PTCHD4: variants seen among roughly 807,000 people sequenced by gnomAD.
PTCHD4 encodes patched domain-containing protein 4.
A neutral mutation model predicts 58.1 loss-of-function variants in PTCHD4; 33 were observed. The observed-to-expected ratio is 0.57, with a 90% CI of 0.43 to 0.76. The LOEUF (loss-of-function observed/expected upper bound fraction) is 0.76. Among genes scored for constraint, PTCHD4 ranks in the 30% least tolerant of loss-of-function variants. The probability of loss-of-function intolerance (pLI) is 0.00; values close to 1 mark genes in which losing one functional copy is unlikely to be tolerated. For synonymous variants in PTCHD4, 478 were observed against 409.6 expected (o/e 1.17, Z -2.02); for missense variants, 1,058 against 1,027.1 (o/e 1.03, Z -0.41).
At chr6:47,910,241 G>T (rs188010359) in intron 4 of PTCHD4, among the ~76,000 whole-genome samples, 1 of 152,234 alleles carries the variant, frequency 6.6e-6, no homozygotes, top group East Asian at 1.9e-4. Context: ...CAGCAGAAGA[G>T]ACACTGTTTA....
At chr6:47,963,590 C>T (rs1172570693) in intron 4 of PTCHD4, among the ~76,000 whole-genome samples, 1 of 152,150 alleles carries the variant, frequency 6.6e-6, no homozygotes, top group African/African-American at 2.4e-5. Context: ...AAGTAAATGT[C>T]TGTGGACAGA....
At chr6:47,897,939 TC>T (rs371756239) in intron 4 of PTCHD4, among the ~76,000 whole-genome samples, 3 of 135,092 alleles carry the variant, frequency 2.2e-5, no homozygotes, top group East Asian at 2.3e-4. Flanking sequence ...TTTCTTTCTT[TC>T]TTTTTTTTTT....
At chr6:48,030,804 G>A (rs1763406603) in intron 3 of PTCHD4, among the ~76,000 whole-genome samples, 2 of 152,080 alleles carry the variant, frequency 1.3e-5, no homozygotes, top group African/African-American at 2.4e-5. Context: ...ACTGCCCTCT[G>A]AACTCAGAAA....
chr6:48,109,516 A>G (rs1765817720), intron 1 of PTCHD4, among the ~76,000 whole-genome samples: 1 of 152,116 alleles, frequency 6.6e-6, no homozygotes, highest in Admixed American at 6.6e-5. Context: ...TGTATATCAC[A>G]CCAAAATATC....
At chr6:48,102,476 G>A (rs1165758576) in intron 1 of PTCHD4, among the ~76,000 whole-genome samples, 2 of 152,198 alleles carry the variant, frequency 1.3e-5, no homozygotes, top group Non-Finnish European at 2.9e-5. Flanking sequence ...AACTATTCTT[G>A]AGGGTGGAGC....
chr6:48,061,566 G>A (rs1331960238), intron 3 of PTCHD4, among the ~76,000 whole-genome samples: 2 of 152,252 alleles, frequency 1.3e-5, no homozygotes, highest in Middle Eastern at 3.4e-3. Flanking sequence ...AATCATCTGG[G>A]GAGCTTGTTG....
chr6:48,062,215 C>A (rs867806709), intron 3 of PTCHD4, among the ~76,000 whole-genome samples: 4 of 151,996 alleles, frequency 2.6e-5, no homozygotes, highest in African/African-American at 7.3e-5. Flanking sequence ...AAAATAAAAA[C>A]GGTTAGAGTG....
At chr6:48,100,234 A>G (rs1222397997) in intron 1 of PTCHD4, among the ~76,000 whole-genome samples, 1 of 152,226 alleles carries the variant, frequency 6.6e-6, no homozygotes, top group Non-Finnish European at 1.5e-5. Context: ...ATATATGTAG[A>G]AAAATAGGTA....
At chr6:48,080,442 C>T (rs1310000250) in intron 1 of PTCHD4, among the ~76,000 whole-genome samples, 1 of 152,150 alleles carries the variant, frequency 6.6e-6, no homozygotes, top group Non-Finnish European at 1.5e-5. Context: ...GAGACCTCAT[C>T]TTTGGCAAAG....
chr6:48,025,184 G>A (rs1161405535), intron 3 of PTCHD4, among the ~76,000 whole-genome samples: 1 of 152,056 alleles, frequency 6.6e-6, no homozygotes, highest in African/African-American at 2.4e-5. Flanking sequence ...ACTGTGTCTG[G>A]TACAGTATTA....
intron 1 of PTCHD4, among the ~76,000 whole-genome samples, chr6:48,085,104 T>C (rs1014434958): frequency 3.3e-5 from 5 of 151,682 alleles, no homozygotes; most frequent in South Asian, 4.2e-4. Context: ...AGTCACCCGA[T>C]AGTTAAGTCT....
At chr6:47,908,375 C>T (rs1461353098) in intron 4 of PTCHD4, among the ~76,000 whole-genome samples, 38 of 152,120 alleles carry the variant, frequency 2.5e-4, no homozygotes, top group Admixed American at 2.5e-3. Flanking sequence ...GGGATTTTGT[C>T]TCCTTTTTCC....
intron 4 of PTCHD4, among the ~76,000 whole-genome samples, chr6:47,928,432 AG>A (rs1765698966): frequency 6.6e-6 from 1 of 152,228 alleles, no homozygotes; most frequent in South Asian, 2.1e-4. Context: ...ATTCCAAAAA[AG>A]TCTCCCTAAA....
chr6:48,102,754 C>A (rs1287147471), intron 1 of PTCHD4, among the ~76,000 whole-genome samples: 1 of 152,236 alleles, frequency 6.6e-6, no homozygotes, highest in Non-Finnish European at 1.5e-5. Context: ...CACTCCCACC[C>A]TAATACTGCA....
intron 1 of PTCHD4, among the ~76,000 whole-genome samples, chr6:48,103,015 C>G (rs543774377): frequency 6.6e-6 from 1 of 152,340 alleles, no homozygotes; most frequent in South Asian, 2.1e-4. Flanking sequence ...TCTGTAGGCT[C>G]CACCTCTGGG....
At chr6:48,028,005 G>A (rs370327039) in intron 3 of PTCHD4, among the ~76,000 whole-genome samples, 2 of 151,996 alleles carry the variant, frequency 1.3e-5, no homozygotes, top group Non-Finnish European at 2.9e-5. Flanking sequence ...ATAGTGGTGC[G>A]ATCTCTGCTC....
Position 48,105,690 on chromosome 6 carries a change from G to T in PTCHD4, c.-970+5359C>A, listed in dbSNP as rs548566731. Among the ~76,000 whole-genome samples the T allele has an allele frequency of 1.1e-4, 17 of 152,144 alleles. No individual in the cohort carries two copies. In the South Asian group the frequency reaches 1.2e-3, roughly 11 times the overall value. On this transcript the variant is annotated intron_variant, in intron 1 of 4. Transcript: ENST00000339488. ...GTTTTTTGAGAAGATCAACAAAATT[G>T]ATAGACCGCTAGCAAGACTAATAAA... is the stretch of plus-strand genomic sequence containing the variant.
At chr6:48,067,710 G>A (rs1318750924) in intron 3 of PTCHD4, among the ~76,000 whole-genome samples, 1 of 152,054 alleles carries the variant, frequency 6.6e-6, no homozygotes, top group East Asian at 1.9e-4. Context: ...ATAATGAAAA[G>A]AAATCCCACA....
rs566484480 is a variant in PTCHD4, at chr6:47,895,272, G to T, written c.899-15336C>A. Among the ~76,000 whole-genome samples, 44 of 152,292 alleles carry T rather than the reference G, an allele frequency of 2.9e-4. No homozygotes were observed. In the South Asian group the frequency reaches 8.5e-3, roughly 29 times the overall value. ...TGACTACCAGAAAGTTTAGACAAATGATCTGAAGGTTTCTAAACCTATATA... is the reference window on the plus strand; with the variant it reads ...TGACTACCAGAAAGTTTAGACAAATTATCTGAAGGTTTCTAAACCTATATA... On this transcript the variant is annotated intron_variant, in intron 4 of 4. Transcript: ENST00000339488.
Sources: gnomAD v4.1 joint callset for allele counts (sites outside exome capture counted in the v4.1 genomes callset) on GRCh38, gnomAD v4.1.1 for gene constraint, MANE v1.5 for transcripts, NCBI Gene and HGNC (gene_info 2026-07-23, HGNC 2026-07-21) for gene names.